Variants in SFXN4 observed in about 807,000 individuals in gnomAD.
SFXN4 encodes sideroflexin-4.
In SFXN4, 48 loss-of-function variants were observed where a neutral mutation model predicts 54.6. The observed-to-expected ratio is 0.88, with a 90% confidence interval of 0.70 to 1.12. The LOEUF is 1.12. SFXN4 is among the 50% of genes most tolerant of loss of function. SFXN4 has a pLI of 0.00. For missense variants in SFXN4, 383 were observed against 409.2 expected (o/e 0.94, Z 0.55); for synonymous variants, 130 against 145.5 (o/e 0.89, Z 0.77).
intron 3 of SFXN4, among the ~76,000 whole-genome samples, chr10:119,161,648 A>G (rs1847552194): frequency 6.6e-6 from 1 of 152,158 alleles, no homozygotes; most frequent in Non-Finnish European, 1.5e-5. Context: ...AGAGAAATGG[A>G]CCAGAACATT....
chr10:119,163,718 C>A (rs969029138), intron 2 of SFXN4, among the ~76,000 whole-genome samples: 11 of 152,104 alleles, frequency 7.2e-5, no homozygotes, highest in Admixed American at 5.2e-4. Context: ...TACGCTTTTC[C>A]TTACCCCTTC....
intron 11 of SFXN4, 34 bp from the exon 12 acceptor site, chr10:119,147,894 G>A: frequency 6.4e-7 from 1 of 1,574,772 alleles, no homozygotes; most frequent in Non-Finnish European, 8.7e-7. Flanking sequence ...GCTTAGGTTG[G>A]GCACGGTGGC....
chr10:119,144,411 T>C (rs902239675), intron 13 of SFXN4, among the ~76,000 whole-genome samples: 1 of 151,852 alleles, frequency 6.6e-6, no homozygotes, highest in African/African-American at 2.4e-5. Flanking sequence ...GAGCCGAGAT[T>C]GCGCCACTGC....
chr10:119,149,098 G>A (rs1269432546), intron 11 of SFXN4, among the ~76,000 whole-genome samples: 2 of 152,080 alleles, frequency 1.3e-5, no homozygotes, highest in South Asian at 2.1e-4. Flanking sequence ...TGTTGCCCAA[G>A]CTGGTCCCGA....
At chr10:119,149,642 C>T (rs563701048) in intron 11 of SFXN4, among the ~76,000 whole-genome samples, 4 of 152,086 alleles carry the variant, frequency 2.6e-5, no homozygotes, top group South Asian at 2.1e-4. Context: ...CCCAGCTACT[C>T]GGGAGACTGA....
intron 2 of SFXN4, among the ~76,000 whole-genome samples, chr10:119,163,770 T>A (rs1847649171): frequency 6.6e-6 from 1 of 151,896 alleles, no homozygotes; most frequent in African/African-American, 2.4e-5. Flanking sequence ...CACAATAATA[T>A]ATGTAGATTC....
intron 6 of SFXN4, 38 bp from the exon 7 acceptor site, chr10:119,158,100 C>T (rs1564824417): frequency 6.3e-7 from 1 of 1,598,138 alleles, no homozygotes; most frequent in East Asian, 2.2e-5. Flanking sequence ...ACAAGTGTTG[C>T]TGTGGAAGGA....
chr10:119,142,363 T>A (rs1032990379), intron 13 of SFXN4, among the ~76,000 whole-genome samples: 2 of 152,112 alleles, frequency 1.3e-5, no homozygotes, highest in African/African-American at 4.8e-5. Context: ...GCAATTCTCA[T>A]GTCATGTCAC....
At chr10:119,151,379 A>T (rs1045167655) in intron 11 of SFXN4, among the ~76,000 whole-genome samples, 1 of 126,350 alleles carries the variant, frequency 7.9e-6, no homozygotes, top group African/African-American at 3.0e-5. Context: ...AAAACAAACA[A>T]ACAAAAAAAA....
At chr10:119,146,464 C>CGCGCGT (rs1554885843) in intron 12 of SFXN4, 111 bp from the exon 13 acceptor site, 42 of 488,568 alleles carry the variant, frequency 8.6e-5, no homozygotes, top group East Asian at 7.8e-4. Context: ...TGTGTGTGCA[C>CGCGCGT]GTGTGTGTGT....
chr10:119,159,196 C>T (rs1460096976), intron 6 of SFXN4, among the ~76,000 whole-genome samples: 1 of 150,472 alleles, frequency 6.6e-6, no homozygotes, highest in Non-Finnish European at 1.5e-5. Context: ...AGGAGAATTG[C>T]TTGAACGAGG....
chr10:119,154,910 G>A (rs892994656), intron 11 of SFXN4, 152 bp downstream of exon 11: 2 of 602,232 alleles, frequency 3.3e-6, no homozygotes, highest in East Asian at 2.8e-5. Context: ...ATCTTATCAG[G>A]GGGCAAAATG....
intron 10 of SFXN4, among the ~76,000 whole-genome samples, chr10:119,156,135 A>C (rs1231955093): frequency 6.6e-6 from 1 of 152,210 alleles, no homozygotes; most frequent in Non-Finnish European, 1.5e-5. Context: ...AATCTTTAAA[A>C]TGTAGGGCCA....
At chr10:119,165,378 T>C (rs61876562) in intron 1 of SFXN4, 159 bp downstream of exon 1, 494 of 1,320,468 alleles carry the variant, frequency 3.7e-4, no homozygotes, top group Non-Finnish European at 4.6e-4. Flanking sequence ...CCCTAAGGGG[T>C]GAAGGCCGGT....
chr10:119,163,893 A>G (rs1207590967), intron 2 of SFXN4, among the ~76,000 whole-genome samples: 1 of 152,032 alleles, frequency 6.6e-6, no homozygotes, highest in Non-Finnish European at 1.5e-5. Flanking sequence ...ATACAAAATT[A>G]GCCGGGCATG....
chr10:119,153,929 G>A (rs916952656), intron 11 of SFXN4, among the ~76,000 whole-genome samples: 7 of 152,242 alleles, frequency 4.6e-5, no homozygotes, highest in East Asian at 3.9e-4. Flanking sequence ...TGTAATCCCC[G>A]TACGTTGGGA....
At chr10:119,144,422 A>C (rs1173225425) in intron 13 of SFXN4, among the ~76,000 whole-genome samples, 1 of 151,898 alleles carries the variant, frequency 6.6e-6, no homozygotes, top group Non-Finnish European at 1.5e-5. Context: ...GCGCCACTGC[A>C]CTCCAGCCTG....
intron 13 of SFXN4, among the ~76,000 whole-genome samples, chr10:119,145,044 C>T (rs1015164642): frequency 6.6e-6 from 1 of 152,194 alleles, no homozygotes; most frequent in African/African-American, 2.4e-5. Flanking sequence ...TTAAGAAAAA[C>T]AGAACCCAAA....
chr10:119,159,793 T>C (rs771710648), intron 5 of SFXN4, 40 bp from the exon 6 acceptor site: 1 of 1,613,304 alleles, frequency 6.2e-7, no homozygotes. Flanking sequence ...GTGATCACAG[T>C]TGCCCAGGCA....
Sources: allele counts gnomAD v4.1 joint callset (sites outside exome capture counted in the v4.1 genomes callset), GRCh38; gene constraint gnomAD v4.1.1; transcripts MANE v1.5; gene names NCBI Gene and HGNC (gene_info 2026-07-23, HGNC 2026-07-21).